MAF: variants seen among roughly 807,000 people sequenced by gnomAD.
The protein encoded by MAF is transcription factor Maf.
In MAF, 10 loss-of-function variants were observed where a neutral mutation model predicts 22.0. The observed-to-expected ratio is 0.45, with a 90% CI of 0.28 to 0.77. MAF has a LOEUF of 0.77. Ranked by LOEUF, MAF falls within the 30% of genes least tolerant of loss-of-function variation. The pLI, the probability that MAF is intolerant of heterozygous loss-of-function variation, is 0.12. For synonymous variants in MAF, 337 were observed against 255.8 expected (o/e 1.32, Z -3.03); for missense variants, 544 against 548.4 (o/e 0.99, Z 0.08).
At chr16:79,236,058 T>A in the MAF span, among the ~76,000 whole-genome samples, 1 of 151,960 alleles carries the variant, frequency 6.6e-6, no homozygotes, top group Non-Finnish European at 1.5e-5. Flanking sequence ...ACCCTGACAC[T>A]CCCATAGTCC....
At chr16:79,346,480 C>T in the MAF span, among the ~76,000 whole-genome samples, 55 of 152,096 alleles carry the variant, frequency 3.6e-4, no homozygotes, top group African/African-American at 4.3e-4. Flanking sequence ...AGAAAAAGGG[C>T]GTCATTCTTT....
the MAF span, among the ~76,000 whole-genome samples, chr16:79,317,913 TTCACTCACTCACTCACTCACTCAC>T: frequency 4.2e-5 from 6 of 144,556 alleles, no homozygotes; most frequent in South Asian, 1.3e-3. Context: ...CATTCATTCA[TTCACTCACTCACTCACTCACTCAC>T]TCACTCACTC....
At chr16:79,348,870 T>C in the MAF span, among the ~76,000 whole-genome samples, 1 of 152,230 alleles carries the variant, frequency 6.6e-6, no homozygotes. Flanking sequence ...CAAGGTCCTG[T>C]CTCATGAGAG....
chr16:79,227,094 T>C, the MAF span, among the ~76,000 whole-genome samples: 1 of 152,114 alleles, frequency 6.6e-6, no homozygotes, highest in Admixed American at 6.6e-5. Flanking sequence ...TCCCAGCCCT[T>C]TGGCAGGCTA....
At chr16:79,306,588 C>G in the MAF span, among the ~76,000 whole-genome samples, 1 of 152,180 alleles carries the variant, frequency 6.6e-6, no homozygotes, top group Non-Finnish European at 1.5e-5. Flanking sequence ...GAAAGTAAAT[C>G]TATCTCCAGT....
At chr16:79,395,912 G>T in the MAF span, among the ~76,000 whole-genome samples, 1 of 152,164 alleles carries the variant, frequency 6.6e-6, no homozygotes, top group Non-Finnish European at 1.5e-5. Flanking sequence ...GAAGGCAGAA[G>T]AGAACGAGAA....
At chr16:79,324,842 G>T in the MAF span, among the ~76,000 whole-genome samples, 1 of 152,170 alleles carries the variant, frequency 6.6e-6, no homozygotes, top group Non-Finnish European at 1.5e-5. Flanking sequence ...TACAGTTCTG[G>T]AGGCCAGAAG....
At chr16:79,514,942 G>A in the MAF span, among the ~76,000 whole-genome samples, 1 of 152,166 alleles carries the variant, frequency 6.6e-6, no homozygotes, top group African/African-American at 2.4e-5. Context: ...CTCTCTCTGG[G>A]CTCTGACTTG....
At chr16:79,289,867 T>TTTTTTTTTTTTTTTTC in the MAF span, among the ~76,000 whole-genome samples, 20 of 118,532 alleles carry the variant, frequency 1.7e-4, 2 homozygotes, top group African/African-American at 3.5e-4. Context: ...TTTTTTTTTT[T>TTTTTTTTTTTTTTTTC]TGTGAGACGG....
the MAF span, among the ~76,000 whole-genome samples, chr16:79,431,115 G>A: frequency 6.6e-6 from 1 of 152,154 alleles, no homozygotes; most frequent in Non-Finnish European, 1.5e-5. Context: ...TCCACACCAG[G>A]GTACACAGCT....
the MAF span, among the ~76,000 whole-genome samples, chr16:79,530,206 G>C: frequency 6.6e-6 from 1 of 152,100 alleles, no homozygotes; most frequent in African/African-American, 2.4e-5. Flanking sequence ...ATTTCTTCTA[G>C]CTTGAGAACA....
chr16:79,584,136 C>T (rs1912697356), downstream of MAF, among the ~76,000 whole-genome samples: 1 of 151,776 alleles, frequency 6.6e-6, no homozygotes, highest in African/African-American at 2.4e-5. Context: ...TAAATGACTC[C>T]CCAAATAGCT....
At chr16:79,533,771 C>T in the MAF span, among the ~76,000 whole-genome samples, 6 of 152,226 alleles carry the variant, frequency 3.9e-5, no homozygotes, top group East Asian at 1.9e-4. Flanking sequence ...ACCTCCCAGC[C>T]GATTAGCTCT....
chr16:79,447,662 T>G, the MAF span, among the ~76,000 whole-genome samples: 1 of 152,042 alleles, frequency 6.6e-6, no homozygotes, highest in African/African-American at 2.4e-5. Flanking sequence ...GAGATCAAAA[T>G]ATAAACATTA....
At chr16:79,591,050 T>C (rs1177821340), downstream of MAF, among the ~76,000 whole-genome samples, 2 of 152,190 alleles carry the variant, frequency 1.3e-5, no homozygotes, top group South Asian at 2.1e-4. Flanking sequence ...ACAATCCTTG[T>C]TGGGGATTCT....
At chr16:79,310,056 C>T in the MAF span, among the ~76,000 whole-genome samples, 1 of 152,066 alleles carries the variant, frequency 6.6e-6, no homozygotes, top group Non-Finnish European at 1.5e-5. Flanking sequence ...AATATCAAAT[C>T]AAGAATGAAC....
chr16:79,515,287 T>C, the MAF span, among the ~76,000 whole-genome samples: 1 of 152,220 alleles, frequency 6.6e-6, no homozygotes, highest in Non-Finnish European at 1.5e-5. Context: ...CTCATCAAAA[T>C]ACAGATGGTG....
At chr16:79,579,979 T>C in the MAF span, among the ~76,000 whole-genome samples, 2 of 152,276 alleles carry the variant, frequency 1.3e-5, no homozygotes, top group Admixed American at 1.3e-4. Flanking sequence ...AGCGATGGCA[T>C]GTTTTTTTTA....
the MAF span, chr16:79,205,244 G>C: frequency 1.3e-5 from 2 of 152,202 alleles, no homozygotes; most frequent in African/African-American, 4.8e-5. Flanking sequence ...TTATGGTGAT[G>C]GACTGGCACT....
Sources: gnomAD v4.1 joint callset for allele counts (sites outside exome capture counted in the v4.1 genomes callset) on GRCh38, gnomAD v4.1.1 for gene constraint, MANE v1.5 for transcripts, NCBI Gene and HGNC (gene_info 2026-07-23, HGNC 2026-07-21) for gene names.